Variants in RIMS2 observed in about 807,000 individuals in gnomAD.
RIMS2 encodes the protein regulating synaptic membrane exocytosis 2, also known as regulating synaptic membrane exocytosis protein 2.
In RIMS2, 59 loss-of-function variants were observed where a neutral mutation model predicts 174.4. That is an observed-to-expected ratio of 0.34 (90% CI 0.27 to 0.42). RIMS2 has a LOEUF of 0.42. RIMS2 is among the 10% of genes least tolerant of loss of function. The pLI is 1.00. For missense variants in RIMS2, 1,620 were observed against 1,666.3 expected, an observed-to-expected ratio of 0.97 and a Z score of 0.48; for synonymous variants, 606 against 572.5, an observed-to-expected ratio of 1.06 and a Z score of -0.84.
chr8:104,021,726 T>C (rs950237844), intron 19 of RIMS2, among the ~76,000 whole-genome samples: 9 of 152,228 alleles, frequency 5.9e-5, no homozygotes, highest in Non-Finnish European at 1.3e-4. Flanking sequence ...TTTCCTATGA[T>C]CTTGCATGTG....
In RIMS2 at chr8:103,867,611, T is replaced by A. The variant is rs1348943490; in HGVS notation, c.699-17687T>A. Among the ~76,000 whole-genome samples, 5 of 152,062 alleles carry A rather than the reference T, an allele frequency of 3.3e-5. No homozygotes were observed. The East Asian group carries it at 9.6e-4, about 29-fold the overall frequency. Reference sequence around the variant, plus strand: ...CAATAATAAATGCCAAAGTAGCAATTGAGAGGAATTACAAAATTAGTTGTT... The same window carrying A: ...CAATAATAAATGCCAAAGTAGCAATAGAGAGGAATTACAAAATTAGTTGTT... On this transcript the variant is annotated intron_variant, in intron 3 of 23. Transcript: ENST00000504942.
intron 3 of RIMS2, among the ~76,000 whole-genome samples, chr8:103,797,744 T>G (rs2098559634): frequency 6.6e-6 from 1 of 152,214 alleles, no homozygotes; most frequent in African/African-American, 2.4e-5. Context: ...TTATGCCTAT[T>G]TGCTTTAACC....
chr8:103,784,487 GGCTAGCCA>G (rs2098422137), intron 3 of RIMS2, among the ~76,000 whole-genome samples: 1 of 103,650 alleles, frequency 9.6e-6, no homozygotes, highest in African/African-American at 3.9e-5. Context: ...TTCTACATAT[GGCTAGCCA>G]GTTTTCCCAG....
At chr8:103,786,153 TTC>T (rs2098441565) in intron 3 of RIMS2, among the ~76,000 whole-genome samples, 1 of 152,212 alleles carries the variant, frequency 6.6e-6, no homozygotes, top group Non-Finnish European at 1.5e-5. Context: ...TATTTGATTC[TTC>T]TCTCCTTCCA....
At chr8:104,170,825 T>C (rs2098827871) in intron 19 of RIMS2, among the ~76,000 whole-genome samples, 2 of 152,152 alleles carry the variant, frequency 1.3e-5, no homozygotes, top group Admixed American at 1.3e-4. Context: ...AGAACTCCTC[T>C]TAGCATTTCT....
chr8:104,251,460 A>G (rs1385612614), intron 23 of RIMS2, 142 bp from the exon 30 acceptor site: 2 of 631,276 alleles, frequency 3.2e-6, no homozygotes, highest in Non-Finnish European at 5.6e-6. Context: ...AGTTAAAGAC[A>G]ACTATTCTAT....
intron 3 of RIMS2, among the ~76,000 whole-genome samples, chr8:103,771,478 T>G (rs1228331712): frequency 6.6e-6 from 1 of 152,200 alleles, no homozygotes; most frequent in African/African-American, 2.4e-5. Flanking sequence ...TGTAGCAGTT[T>G]CTACAACATT....
At chr8:103,948,880 C>T (rs1245217092) in intron 14 of RIMS2, among the ~76,000 whole-genome samples, 3 of 151,540 alleles carry the variant, frequency 2.0e-5, no homozygotes, top group African/African-American at 2.4e-5. Context: ...ATCTCAGCCT[C>T]TTTGGGAGGC....
At chr8:103,511,247 A>C (rs1376494983) in intron 1 of RIMS2, among the ~76,000 whole-genome samples, 1 of 152,200 alleles carries the variant, frequency 6.6e-6, no homozygotes, top group African/African-American at 2.4e-5. Flanking sequence ...AGCAGTAGTC[A>C]TGTTAGTTAA....
chr8:103,985,894 TTA>T (rs1321807009), intron 16 of RIMS2, among the ~76,000 whole-genome samples: 1 of 152,178 alleles, frequency 6.6e-6, no homozygotes, highest in African/African-American at 2.4e-5. Context: ...ATGATCTAAC[TTA>T]TATATAGAAT....
At chr8:104,031,879 T>C (rs1335314370) in intron 19 of RIMS2, among the ~76,000 whole-genome samples, 1 of 152,130 alleles carries the variant, frequency 6.6e-6, no homozygotes, top group Non-Finnish European at 1.5e-5. Context: ...CATTTTGGTG[T>C]GGACTTGATA....
At chr8:103,767,522 T>A (rs1437522020) in intron 3 of RIMS2, among the ~76,000 whole-genome samples, 1 of 152,216 alleles carries the variant, frequency 6.6e-6, no homozygotes, top group South Asian at 2.1e-4. Flanking sequence ...TGAATAAAGA[T>A]AAATTTAAAT....
chr8:103,757,573 G>C (rs1485225194), intron 2 of RIMS2, among the ~76,000 whole-genome samples: 1 of 152,088 alleles, frequency 6.6e-6, no homozygotes, highest in East Asian at 1.9e-4. Flanking sequence ...ATGGTAGGCA[G>C]AAAAATGGCC....
chr8:103,669,250 A>G (rs2096714384), intron 1 of RIMS2, among the ~76,000 whole-genome samples: 1 of 152,146 alleles, frequency 6.6e-6, no homozygotes, highest in Non-Finnish European at 1.5e-5. Context: ...AGAACTGTAT[A>G]GGGAAAACTG....
chr8:104,017,450 A>G (rs2095949324), intron 19 of RIMS2, among the ~76,000 whole-genome samples: 1 of 152,072 alleles, frequency 6.6e-6, no homozygotes, highest in African/African-American at 2.4e-5. Context: ...TTAGAACCAG[A>G]GAAGTAAAAT....
At chr8:103,910,511 G>A (rs538595375) in intron 5 of RIMS2, 9 of 1,593,662 alleles carry the variant, frequency 5.6e-6, no homozygotes, top group Middle Eastern at 1.7e-4. Flanking sequence ...TTAACGAGGA[G>A]CATAGCCATA....
chr8:104,255,274 ATTCC>A, downstream of RIMS2: 1 of 142,342 alleles, frequency 7.0e-6, no homozygotes, highest in East Asian at 2.4e-4. Flanking sequence ...GTTCATATAC[ATTCC>A]TGTATATGAA....
intron 2 of RIMS2, among the ~76,000 whole-genome samples, chr8:103,756,918 A>C (rs942314429): frequency 9.2e-5 from 14 of 151,910 alleles, no homozygotes; most frequent in Non-Finnish European, 1.9e-4. Flanking sequence ...GGCATTGCCA[A>C]TCAAATAGTG....
chr8:103,965,746 T>C (rs2091635186), intron 15 of RIMS2, among the ~76,000 whole-genome samples: 1 of 152,166 alleles, frequency 6.6e-6, no homozygotes, highest in African/African-American at 2.4e-5. Context: ...TTTGAGCTTT[T>C]TTTAACTGGT....
Sources: gnomAD v4.1 joint callset for allele counts (sites outside exome capture counted in the v4.1 genomes callset) on GRCh38, gnomAD v4.1.1 for gene constraint, MANE v1.5 for transcripts, NCBI Gene and HGNC (gene_info 2026-07-23, HGNC 2026-07-21) for gene names.